The following GPBP1L1 variants were observed in gnomAD, a reference collection of about 807,000 sequenced individuals.
The protein encoded by GPBP1L1 is GC-rich promoter binding protein 1 like 1, also known as vasculin-like protein 1.
Under a neutral mutation model 52.5 loss-of-function variants are expected in GPBP1L1, and 23 were observed. The ratio of observed to expected loss-of-function variants is 0.44; its 90% CI spans 0.32 to 0.62. The LOEUF (loss-of-function observed/expected upper bound fraction) is 0.62. Among genes scored for constraint, GPBP1L1 ranks in the 20% least tolerant of loss-of-function variants. The pLI is 0.06. For synonymous variants in GPBP1L1, 243 were observed against 203.1 expected, an observed-to-expected ratio of 1.20 and a Z score of -1.67; for missense variants, 596 against 579.3, an observed-to-expected ratio of 1.03 and a Z score of -0.30.
intron 4 of GPBP1L1, among the ~76,000 whole-genome samples, chr1:45,656,660 T>C (rs1644888174): frequency 1.3e-5 from 2 of 151,066 alleles, no homozygotes; most frequent in East Asian, 1.9e-4. Context: ...ACAAAATACA[T>C]ACATAAGCCT....
At chr1:45,662,897 G>T (rs1159179631) in intron 2 of GPBP1L1, among the ~76,000 whole-genome samples, 1 of 151,678 alleles carries the variant, frequency 6.6e-6, no homozygotes, top group Admixed American at 6.6e-5. Flanking sequence ...CTAAGAATAC[G>T]AAAATTAGCC....
intron 6 of GPBP1L1, among the ~76,000 whole-genome samples, chr1:45,644,336 CA>C (rs1367512235): frequency 2.0e-5 from 3 of 152,194 alleles, no homozygotes; most frequent in Non-Finnish European, 4.4e-5. Context: ...CCTATTTATA[CA>C]GTATCTTTGA....
intron 11 of GPBP1L1, among the ~76,000 whole-genome samples, chr1:45,630,148 G>T (rs936852965): frequency 6.6e-6 from 1 of 152,032 alleles, no homozygotes; most frequent in African/African-American, 2.4e-5. Context: ...ACAGGGTTTC[G>T]CCATGTTGGC....
chr1:45,638,006 C>T (rs1644618236), intron 8 of GPBP1L1, among the ~76,000 whole-genome samples: 1 of 152,170 alleles, frequency 6.6e-6, no homozygotes. Context: ...TTCCATAGCC[C>T]GGCAGTTAAC....
Position 45,633,581 on chromosome 1 carries a change from T to C in GPBP1L1, c.952A>G (p.Thr318Ala), listed in dbSNP as rs1644557706. ...SSRLTKLTRRTTDRKSEFLKT... is the reference protein window; with the variant it reads ...SSRLTKLTRRATDRKSEFLKT... ...AGGAACTCACTCTTCCTGTCGGTGG[T>C]TCGGCGGGTCAACTTGGTCAGACGA... Residue 318 changes from threonine to alanine, a missense_variant, in exon 10 of 13, where the codon ACC (threonine) becomes GCC (alanine). By Grantham distance (58) the Thr-to-Ala change is moderately conservative. Transcript: ENST00000355105. 1 of 1,613,902 alleles carries C rather than the reference T, an allele frequency of 6.2e-7. No homozygotes were observed. The highest frequency in any genetic ancestry group is 1.7e-5 in the Admixed American group (1 of 59,986).
intron 11 of GPBP1L1, among the ~76,000 whole-genome samples, chr1:45,630,266 T>TA (rs1008297389): frequency 5.9e-5 from 9 of 152,260 alleles, no homozygotes; most frequent in African/African-American, 1.9e-4. Context: ...TTAAAAGTAT[T>TA]AAAGTATTGG....
chr1:45,661,676 C>T (rs1013946795), intron 2 of GPBP1L1, among the ~76,000 whole-genome samples: 4 of 151,966 alleles, frequency 2.6e-5, no homozygotes, highest in Non-Finnish European at 5.9e-5. Context: ...AGGCTGGTCT[C>T]GAACTCGACT....
At chr1:45,652,830 T>C (rs776464999) in intron 6 of GPBP1L1, among the ~76,000 whole-genome samples, 1 of 152,146 alleles carries the variant, frequency 6.6e-6, no homozygotes, top group African/African-American at 2.4e-5. Context: ...AATGCTTTCA[T>C]TGCTAGTTTG....
chr1:45,660,281 GC>G lies in GPBP1L1; in HGVS notation c.-154del. On this transcript the variant is annotated 5_prime_UTR_variant, in exon 3 of 13. Transcript: ENST00000355105. ...GTTAAAAGGGTGCTTAAGTAACCTG[GC>G]CGGCAGCACGACTTATGATGAAGCA... 3 of 985,348 alleles carry G rather than the reference GC, an allele frequency of 3.0e-6. No homozygotes were observed. The highest frequency in any genetic ancestry group is 3.6e-6 in the Non-Finnish European group (3 of 829,930). 61.0% of individuals were successfully genotyped at this position (985,348 alleles called of 1,614,324 possible). A position where few individuals can be genotyped will look rare whatever the true frequency, so the allele number is the denominator to read the frequency against.
intron 6 of GPBP1L1, among the ~76,000 whole-genome samples, chr1:45,650,879 A>G (rs1342828338): frequency 1.3e-5 from 2 of 152,212 alleles, no homozygotes; most frequent in African/African-American, 4.8e-5. Flanking sequence ...TCTCTTTGGC[A>G]TCAAGAATTT....
At chr1:45,644,730 G>A (rs185984951) in intron 6 of GPBP1L1, among the ~76,000 whole-genome samples, 5 of 152,276 alleles carry the variant, frequency 3.3e-5, no homozygotes, top group Admixed American at 2.6e-4. Context: ...CTTCCATTAG[G>A]AGACACACAC....
intron 2 of GPBP1L1, among the ~76,000 whole-genome samples, chr1:45,677,570 T>C (rs1283952060): frequency 6.6e-6 from 1 of 151,922 alleles, no homozygotes; most frequent in Non-Finnish European, 1.5e-5. Flanking sequence ...AAGTCTATTA[T>C]GGAGTCTAAT....
At chr1:45,683,248 C>G (rs1253869673) in intron 2 of GPBP1L1, among the ~76,000 whole-genome samples, 1 of 119,218 alleles carries the variant, frequency 8.4e-6, no homozygotes, top group East Asian at 2.7e-4. Context: ...GAGTCTCGCT[C>G]TGTCCCCAGG....
Position 45,686,481 on chromosome 1 carries a change from C to G in GPBP1L1, c.-1212G>C, listed in dbSNP as rs1379310688. The G allele has an allele frequency of 1.3e-5, 2 of 152,334 alleles. No individual in the cohort carries two copies. Among genetic ancestry groups the G allele is most frequent in the Admixed American group, 6.5e-5 (1 of 15,284 alleles). 9.4% of individuals were successfully genotyped at this position (152,334 alleles called of 1,614,324 possible). On this transcript the variant is annotated 5_prime_UTR_variant, in exon 1 of 13. Transcript: ENST00000355105. ...AGGACGCGTCCCCAGCTTGTCGACC[C>G]GGCAGAGGCGGCTAGTCCACAACCA...
Position 45,630,530 on chromosome 1 carries a change from A to G in GPBP1L1, c.1121T>C (p.Val374Ala). 2 of 1,613,926 alleles carry G rather than the reference A, an allele frequency of 1.2e-6. No homozygotes were observed. Among genetic ancestry groups the G allele is most frequent in the Non-Finnish European group, 1.7e-6 (2 of 1,179,822 alleles). Residue 374 changes from valine to alanine, a missense_variant, in exon 11 of 13, where the codon GTA becomes GCA. Val to Ala is a moderately conservative substitution (Grantham distance 64). Transcript: ENST00000355105. ...TGAGAGAACCTCCCCTTCTTCCACT[A>G]CAGGGAGGGCAAGACCATTTTGATG... ...GCHQNGLALP[V>A]VEEGEVLSHS...
chr1:45,676,658 C>T (rs1437738993), intron 2 of GPBP1L1, among the ~76,000 whole-genome samples: 4 of 146,978 alleles, frequency 2.7e-5, no homozygotes, highest in Admixed American at 6.9e-5. Context: ...TGCAGTGAGC[C>T]GAGACTGCAC....
intron 8 of GPBP1L1, among the ~76,000 whole-genome samples, chr1:45,637,189 T>C (rs754483082): frequency 6.6e-6 from 1 of 152,202 alleles, no homozygotes; most frequent in Non-Finnish European, 1.5e-5. Flanking sequence ...ACAGGCCAAG[T>C]ATTATTTTGT....
At chr1:45,666,675 C>T (rs1249372872) in intron 2 of GPBP1L1, among the ~76,000 whole-genome samples, 1 of 152,080 alleles carries the variant, frequency 6.6e-6, no homozygotes, top group East Asian at 1.9e-4. Flanking sequence ...ACTGAGGCAC[C>T]ATATGACCTA....
At chr1:45,646,060 T>C (rs546867331) in intron 6 of GPBP1L1, 7 of 488,900 alleles carry the variant, frequency 1.4e-5, no homozygotes, top group Middle Eastern at 7.2e-4. Flanking sequence ...AATTTGCCAA[T>C]GTAACGATGC....
Sources: allele counts gnomAD v4.1 joint callset (sites outside exome capture counted in the v4.1 genomes callset), GRCh38; gene constraint gnomAD v4.1.1; transcripts MANE v1.5; gene names NCBI Gene and HGNC (gene_info 2026-07-23, HGNC 2026-07-21).